The following AREL1 variants were observed in gnomAD, a reference collection of about 807,000 sequenced individuals.
AREL1 encodes the protein apoptosis-resistant E3 ubiquitin protein ligase 1.
In AREL1, 62 loss-of-function variants were observed where a neutral mutation model predicts 99.0. The ratio of observed to expected loss-of-function variants is 0.63; its 90% CI spans 0.51 to 0.77. AREL1 has a LOEUF of 0.77. Ranked by LOEUF, AREL1 falls within the 30% of genes least tolerant of loss-of-function variation. The pLI, the probability that AREL1 is intolerant of heterozygous loss-of-function variation, is 0.00. For missense variants in AREL1, 879 were observed against 1,027.6 expected (o/e 0.86, Z 1.98); for synonymous variants, 380 against 376.5 (o/e 1.01, Z -0.11).
At position 74,676,721 on chromosome 14, in the gene AREL1, C is replaced by T. The variant is rs2089488171; in HGVS notation, c.513G>A (p.Val171=). The part of the protein sequence containing the change: ...GMVVPSKTKI[V]CHFSTLVLTC... ...TCAATACAAGAGTAGAAAAGTGGCACACAATTTTGGTCTTAGAAGGAACCA... is the reference window on the plus strand; with the variant it reads ...TCAATACAAGAGTAGAAAAGTGGCATACAATTTTGGTCTTAGAAGGAACCA... The change falls in exon 6 of 20, where the codon GTG becomes GTA. Residue 171 remains valine, a synonymous_variant. Coordinates refer to ENST00000356357, the MANE Select transcript of AREL1 (RefSeq NM_001039479.2). 2.5e-6 allele frequency: 4 copies of T among 1,611,024 alleles called. No individual in the cohort carries two copies. The highest frequency in any genetic ancestry group is 2.2e-5 in the East Asian group (1 of 44,632).
In AREL1 at chr14:74,671,856, C is replaced by A. The variant is rs2089353403; in HGVS notation, c.1423-373G>T. 4 of 218,138 alleles carry A rather than the reference C, an allele frequency of 1.8e-5. No individual in the cohort carries two copies. The South Asian group carries it at 2.0e-4, about 11-fold the overall frequency. The allele number at this position is 218,138 out of a possible 1,614,324, so 13.5% of individuals were successfully genotyped here. On this transcript the variant is annotated intron_variant, in intron 11 of 19. Coordinates refer to ENST00000356357, the MANE Select transcript of AREL1 (RefSeq NM_001039479.2). ...AAAAGAACCAAGGAATCCTGGTTTT[C>A]AGCAAAGTATGATCTATCCACTAGA...
chr14:74,669,552 T>C, intron 15 of AREL1, 97 bp downstream of exon 15: 2 of 1,460,968 alleles, frequency 1.4e-6, no homozygotes, highest in Non-Finnish European at 9.2e-7. Flanking sequence ...AACACAAATA[T>C]GGAACATTTC....
chr14:74,683,183 T>C, intron 5 of AREL1, 113 bp downstream of exon 5: 1 of 755,796 alleles, frequency 1.3e-6, no homozygotes, highest in Non-Finnish European at 2.1e-6. Context: ...GGATGAATTT[T>C]ATGGCATGGG....
chr14:74,690,908 A>G (rs911424430), intron 2 of AREL1, among the ~76,000 whole-genome samples: 2 of 152,154 alleles, frequency 1.3e-5, no homozygotes, highest in African/African-American at 4.8e-5. Context: ...CACCACGACA[A>G]CTTGGTAAGA....
intron 1 of AREL1, among the ~76,000 whole-genome samples, chr14:74,694,889 T>TGA (rs1489989980): frequency 1.3e-5 from 2 of 149,350 alleles, no homozygotes; most frequent in Non-Finnish European, 3.0e-5. Context: ...CTTGGGACGC[T>TGA]GAGGCAGGAG....
At chr14:74,709,983 T>G (rs986541462) in intron 1 of AREL1, among the ~76,000 whole-genome samples, 4 of 152,242 alleles carry the variant, frequency 2.6e-5, no homozygotes, top group Non-Finnish European at 5.9e-5. Context: ...ATTTTTTCTC[T>G]TCAAGACTGC....
intron 11 of AREL1, chr14:74,672,138 G>A (rs560018210): frequency 5.9e-5 from 21 of 353,694 alleles, no homozygotes; most frequent in African/African-American, 3.4e-4. Flanking sequence ...TTCAACAAGC[G>A]CTCTATTCCA....
chr14:74,707,629 C>G (rs1244547585), intron 1 of AREL1, among the ~76,000 whole-genome samples: 1 of 151,894 alleles, frequency 6.6e-6, no homozygotes, highest in East Asian at 1.9e-4. Flanking sequence ...CCCGTCTCTA[C>G]TAAAAATACA....
intron 5 of AREL1, among the ~76,000 whole-genome samples, chr14:74,679,610 C>T (rs569470974): frequency 7.3e-5 from 11 of 151,650 alleles, no homozygotes; most frequent in Middle Eastern, 3.5e-3. Flanking sequence ...ATGGATCACC[C>T]GAGGTCAGGA....
chr14:74,700,652 C>T (rs567933538), intron 1 of AREL1, among the ~76,000 whole-genome samples: 12 of 152,224 alleles, frequency 7.9e-5, no homozygotes, highest in South Asian at 4.2e-4. Flanking sequence ...TGGTGGCACA[C>T]GCCTGTATTC....
intron 1 of AREL1, among the ~76,000 whole-genome samples, chr14:74,705,076 G>C (rs1305287446): frequency 1.4e-5 from 2 of 143,100 alleles, no homozygotes; most frequent in East Asian, 4.3e-4. Context: ...TTTCGCTCTT[G>C]TTGCCCAGGC....
At chr14:74,667,904 A>T (rs2089243975) in intron 15 of AREL1, among the ~76,000 whole-genome samples, 1 of 152,254 alleles carries the variant, frequency 6.6e-6, no homozygotes, top group Non-Finnish European at 1.5e-5. Flanking sequence ...CAATGTTTTA[A>T]TCTATGATCC....
In AREL1 at chr14:74,663,689, C is replaced by T. The variant is rs776480679; in HGVS notation, c.*31G>A. On this transcript the variant is annotated 3_prime_UTR_variant, in exon 20 of 20. Transcript: ENST00000356357. ...ACTTGCGCCCAGAAGCTCCAGAGAG[C>T]ATGGGAGCCAACTGGATGACAGGAG... The T allele has an allele frequency of 3.0e-5, 48 of 1,602,442 alleles. No individual in the cohort carries two copies. The highest frequency in any genetic ancestry group is 3.8e-5 in the Non-Finnish European group (45 of 1,170,382).
intron 16 of AREL1, 40 bp from the exon 17 acceptor site, chr14:74,667,417 T>A (rs891614066): frequency 1.2e-6 from 2 of 1,614,028 alleles, no homozygotes; most frequent in African/African-American, 2.7e-5. Flanking sequence ...ACCCACACCA[T>A]GGATACAGGT....
intron 1 of AREL1, chr14:74,712,719 A>G (rs1170843114): frequency 3.3e-6 from 1 of 302,462 alleles, no homozygotes; most frequent in Non-Finnish European, 6.6e-6. Context: ...ACAAAGCACC[A>G]TATCGGCTAG....
chr14:74,673,320 C>T (rs920917570), intron 9 of AREL1, 102 bp from the exon 10 acceptor site: 4 of 1,213,000 alleles, frequency 3.3e-6, no homozygotes, highest in Non-Finnish European at 4.6e-6. Flanking sequence ...ATAAGTTAGG[C>T]TTGTTTTCTC....
intron 9 of AREL1, 58 bp downstream of exon 9, chr14:74,673,976 T>G (rs2089415505): frequency 6.9e-7 from 1 of 1,443,498 alleles, no homozygotes; most frequent in Non-Finnish European, 9.7e-7. Context: ...AATAAAAGGC[T>G]GAGATAGTCC....
chr14:74,704,592 T>C (rs1038905170), intron 1 of AREL1, among the ~76,000 whole-genome samples: 9 of 152,188 alleles, frequency 5.9e-5, no homozygotes, highest in African/African-American at 2.2e-4. Flanking sequence ...AGTTCCCAGC[T>C]TTACTTTTCC....
intron 5 of AREL1, among the ~76,000 whole-genome samples, chr14:74,681,591 G>A (rs1310790048): frequency 6.6e-6 from 1 of 151,888 alleles, no homozygotes; most frequent in Non-Finnish European, 1.5e-5. Flanking sequence ...TGGCCAACAT[G>A]GTGAAATCTT....
Sources: gnomAD v4.1 joint callset for allele counts (sites outside exome capture counted in the v4.1 genomes callset) on GRCh38, gnomAD v4.1.1 for gene constraint, MANE v1.5 for transcripts, NCBI Gene and HGNC (gene_info 2026-07-23, HGNC 2026-07-21) for gene names.